Variants in LYRM4 observed in about 807,000 individuals in gnomAD.
The protein encoded by LYRM4 is LYR motif containing 4, also known as LYR motif-containing protein 4.
In LYRM4, 9 loss-of-function variants were observed where a neutral mutation model predicts 11.7. That is an observed-to-expected ratio of 0.77 (90% CI 0.46 to 1.34). LYRM4 has a LOEUF of 1.34. Ranked by LOEUF, LYRM4 falls within the 40% of genes most tolerant of loss-of-function variation. The probability of loss-of-function intolerance (pLI) is 0.00; values close to 1 mark genes in which losing one functional copy is unlikely to be tolerated. For synonymous variants in LYRM4, 42 were observed against 40.4 expected (o/e 1.04, Z -0.15); for missense variants, 133 against 112.5 (o/e 1.18, Z -0.82).
At chr6:5,085,930 A>AGCGAGGCGG in the LYRM4 span, 1 of 1,528,036 alleles carries the variant, frequency 6.5e-7, no homozygotes, top group South Asian at 1.2e-5. Flanking sequence ...GAAGCACTTC[A>AGCGAGGCGG]GCGAGGCGGA....
intron 2 of LYRM4, among the ~76,000 whole-genome samples, chr6:5,147,998 C>A (rs1220829563): frequency 6.6e-6 from 1 of 152,126 alleles, no homozygotes; most frequent in Non-Finnish European, 1.5e-5. Context: ...TCTTTCAGTT[C>A]CAGAACACAC....
chr6:5,158,474 T>G (rs1293195871), intron 2 of LYRM4, among the ~76,000 whole-genome samples: 1 of 45,336 alleles, frequency 2.2e-5, no homozygotes, highest in East Asian at 2.3e-3. Flanking sequence ...GGTCTCCACG[T>G]TTTTTTTTTT....
intron 1 of LYRM4, among the ~76,000 whole-genome samples, chr6:5,246,589 G>A (rs898572453): frequency 3.9e-5 from 6 of 152,174 alleles, no homozygotes; most frequent in East Asian, 1.9e-4. Flanking sequence ...AGTGGTATAC[G>A]GACACAGCCA....
the LYRM4 span, chr6:5,033,120 C>A: frequency 8.6e-5 from 13 of 151,564 alleles, no homozygotes; most frequent in African/African-American, 3.2e-4. Context: ...CAGATGGCCT[C>A]AGGATATTTG....
chr6:5,057,281 C>T, the LYRM4 span, among the ~76,000 whole-genome samples: 3 of 152,276 alleles, frequency 2.0e-5, no homozygotes, highest in South Asian at 4.1e-4. Flanking sequence ...AAAGCCTGCA[C>T]GGGCTTCGAC....
At chr6:5,115,635 C>T (rs1288068052) in intron 2 of LYRM4, among the ~76,000 whole-genome samples, 2 of 152,062 alleles carry the variant, frequency 1.3e-5, no homozygotes, top group African/African-American at 4.8e-5. Context: ...GAAAAGACCC[C>T]ACAGGAAACC....
chr6:5,166,617 T>A (rs1260161860), intron 2 of LYRM4, among the ~76,000 whole-genome samples: 1 of 152,170 alleles, frequency 6.6e-6, no homozygotes, highest in Non-Finnish European at 1.5e-5. Flanking sequence ...CACGTTGGGA[T>A]GTATATTATC....
intron 2 of LYRM4, among the ~76,000 whole-genome samples, chr6:5,133,856 A>G (rs1329171052): frequency 6.6e-6 from 1 of 152,142 alleles, no homozygotes; most frequent in Non-Finnish European, 1.5e-5. Context: ...AAATCATATA[A>G]TATGTGGCTT....
intron 2 of LYRM4, among the ~76,000 whole-genome samples, chr6:5,166,059 A>G (rs1403155631): frequency 6.6e-6 from 1 of 152,206 alleles, no homozygotes; most frequent in South Asian, 2.1e-4. Context: ...ATTATAACAC[A>G]TATTTCAATA....
chr6:5,079,298 T>G, the LYRM4 span, among the ~76,000 whole-genome samples: 3 of 152,152 alleles, frequency 2.0e-5, no homozygotes, highest in African/African-American at 7.2e-5. Flanking sequence ...AAAGGTTAAT[T>G]TAGTAGGTTT....
At chr6:5,104,211 A>C (rs1158046041), downstream of LYRM4, 1 of 152,362 alleles carries the variant, frequency 6.6e-6, no homozygotes, top group Non-Finnish European at 1.5e-5. Flanking sequence ...CTAAAGCAGG[A>C]AGTTATTTGC....
At chr6:5,109,587 T>C (rs1762784466) in intron 2 of LYRM4, 96 bp from the exon 3 acceptor site, 1 of 1,313,244 alleles carries the variant, frequency 7.6e-7, no homozygotes, top group Non-Finnish European at 1.1e-6. Flanking sequence ...AATACAAACG[T>C]CGGCCATCCC....
At chr6:5,237,642 T>TG (rs1162800494) in intron 1 of LYRM4, among the ~76,000 whole-genome samples, 1 of 152,082 alleles carries the variant, frequency 6.6e-6, no homozygotes, top group Non-Finnish European at 1.5e-5. Context: ...TATGAAAAGT[T>TG]GGGGTGAACT....
the LYRM4 span, among the ~76,000 whole-genome samples, chr6:5,073,460 T>C: frequency 1.4e-4 from 21 of 149,286 alleles, no homozygotes; most frequent in African/African-American, 4.2e-4. Context: ...TATGTGTATA[T>C]ATATTTTTTT....
chr6:5,089,482 AAC>A, the LYRM4 span: 1 of 152,240 alleles, frequency 6.6e-6, no homozygotes, highest in Non-Finnish European at 1.5e-5. Context: ...TAATGATTCA[AAC>A]AGAGATCTTT....
chr6:5,216,727 A>G lies in LYRM4; in HGVS notation c.98T>C (p.Val33Ala). 1 of 1,613,056 alleles carries G rather than the reference A, an allele frequency of 6.2e-7. No individual in the cohort carries two copies. Among genetic ancestry groups the G allele is most frequent in the South Asian group, 1.1e-5 (1 of 91,074 alleles). Residue 33 changes from valine (V) to alanine (A), a missense_variant, in exon 2 of 3, where the codon GTC becomes GCC. Transcript: ENST00000330636. ...TCTGAAGGCATCTCTTATCCTCCTGACAGCATATGTTCTAAATGAATTCAG... is the reference window on the plus strand; with the variant it reads ...TCTGAAGGCATCTCTTATCCTCCTGGCAGCATATGTTCTAAATGAATTCAG... ...FSAYNYRTYA[V>A]RRIRDAFREN...
chr6:5,086,181 G>A, the LYRM4 span: 16 of 1,533,270 alleles, frequency 1.0e-5, no homozygotes, highest in East Asian at 2.7e-4. Context: ...CGGGCGCTGA[G>A]GTGAAGGGCT....
Position 5,216,030 on chromosome 6 carries a change from G to A in LYRM4, c.207+588C>T, listed in dbSNP as rs1389966071. 2.0e-5 allele frequency among the ~76,000 whole-genome samples: 3 copies of A among 152,242 alleles called. No individual in the cohort carries two copies. In the South Asian group the frequency reaches 6.2e-4, roughly 32 times the overall value. ...GCTGCACATGCTCCACCCACCTCAT[G>A]AGAATGAGAAAAGGAAGCACAAGTC... On this transcript the variant is annotated intron_variant, in intron 2 of 2. Transcript: ENST00000330636.
chr6:5,078,229 A>G, the LYRM4 span, among the ~76,000 whole-genome samples: 2 of 151,328 alleles, frequency 1.3e-5, no homozygotes, highest in Non-Finnish European at 1.5e-5. Flanking sequence ...GGCCCCTTTC[A>G]GCTGGGTACT....
Sources: gnomAD v4.1 joint callset for allele counts (sites outside exome capture counted in the v4.1 genomes callset) on GRCh38, gnomAD v4.1.1 for gene constraint, MANE v1.5 for transcripts, NCBI Gene and HGNC (gene_info 2026-07-23, HGNC 2026-07-21) for gene names.